CFAP45: variants seen among roughly 807,000 people sequenced by gnomAD.
CFAP45 encodes cilia and flagella associated protein 45.
CFAP45 carries 43 observed loss-of-function variants against 75.6 expected under a neutral mutation model. The ratio of observed to expected loss-of-function variants is 0.57; its 90% CI spans 0.45 to 0.73. The LOEUF is 0.73. CFAP45 is among the 30% of genes least tolerant of loss of function. The pLI is 0.00. For missense variants in CFAP45, 689 were observed against 701.5 expected (o/e 0.98, Z 0.20); for synonymous variants, 223 against 244.6 (o/e 0.91, Z 0.82).
At chr1:159,891,917 C>G (rs1425715981) in intron 2 of CFAP45, among the ~76,000 whole-genome samples, 1 of 152,172 alleles carries the variant, frequency 6.6e-6, no homozygotes, top group Admixed American at 6.5e-5. Context: ...CAGCCAATTC[C>G]AAATCTCTCT....
intron 6 of CFAP45, among the ~76,000 whole-genome samples, chr1:159,885,368 C>A (rs1335978741): frequency 6.6e-6 from 1 of 152,058 alleles, no homozygotes; most frequent in African/African-American, 2.4e-5. Context: ...AGGTACCTAC[C>A]AGAAGTACAG....
rs1649695774 is a variant in CFAP45, at chr1:159,886,657, C to T, written c.621G>A (p.Arg207=). 6.2e-7 allele frequency: 1 copy of T among 1,613,916 alleles called. No homozygotes were observed. Among genetic ancestry groups the T allele is most frequent in the African/African-American group, 1.3e-5 (1 of 74,876 alleles). ...IILNAKCHAI[R]DAQILEKQQI... is the part of the protein sequence containing the mutation. ...GCTGCTTCTCCAGGATTTGGGCATC[C>T]CGGATGGCATGGCACTTAGCATTGA... is the stretch of plus-strand genomic sequence containing the variant. The change falls in exon 6 of 12, where the codon CGG becomes CGA. Residue 207 remains arginine (R), a synonymous_variant. Coordinates refer to ENST00000368099, the MANE Select transcript of CFAP45 (RefSeq NM_012337.3).
intron 2 of CFAP45, among the ~76,000 whole-genome samples, chr1:159,892,022 T>C (rs776230058): frequency 2.0e-5 from 3 of 152,036 alleles, no homozygotes; most frequent in Non-Finnish European, 4.4e-5. Flanking sequence ...TGGGGAGACT[T>C]ACGCCTGTAA....
intron 10 of CFAP45, among the ~76,000 whole-genome samples, chr1:159,874,202 TA>T (rs1396409626): frequency 6.6e-6 from 1 of 152,200 alleles, no homozygotes; most frequent in Non-Finnish European, 1.5e-5. Flanking sequence ...CAACATAATT[TA>T]AAAAATGAAA....
At position 159,878,753 on chromosome 1, in the gene CFAP45, TAAAAAAAAAAAAAA is replaced by T. The variant is rs539116292; in HGVS notation, c.1045-1305_1045-1292del. On this transcript the variant is annotated intron_variant, in intron 8 of 11. Transcript: ENST00000368099. ...CCTAGTGACAGAGCAAGACTACATC[TAAAAAAAAAAAAAA>T]AAAAAAAAAAAAAAACCTTCCTTGC... Among the ~76,000 whole-genome samples, 19 of 32,488 alleles carry T rather than the reference TAAAAAAAAAAAAAA, an allele frequency of 5.8e-4. No individual in the cohort carries two copies. The East Asian group carries it at 0.02, about 34-fold the overall frequency. The allele number at this position is 32,488 out of a possible 152,430, so 21.3% of individuals were successfully genotyped here. A position where few individuals can be genotyped will look rare whatever the true frequency, so the allele number is the denominator to read the frequency against.
chr1:159,887,830 G>A lies in CFAP45; in HGVS notation c.588+11C>T, dbSNP rs377610091. The A allele has an allele frequency of 2.8e-5, 45 of 1,605,510 alleles. 1 individual carries two copies. Among genetic ancestry groups the A allele is most frequent in the South Asian group, 1.3e-4 (12 of 90,396 alleles). Reference sequence around the variant, plus strand: ...GAATGCTCAGAGGGAAGGGAGAGACGAAGAGCCCACCTTGCTCATGTCCTT... The same window carrying A: ...GAATGCTCAGAGGGAAGGGAGAGACAAAGAGCCCACCTTGCTCATGTCCTT... On this transcript the variant is annotated intron_variant, in intron 5 of 11. Coordinates refer to ENST00000368099, the MANE Select transcript of CFAP45 (RefSeq NM_012337.3).
At chr1:159,883,292 A>ATGAG (rs1649593458) in intron 7 of CFAP45, among the ~76,000 whole-genome samples, 1 of 151,798 alleles carries the variant, frequency 6.6e-6, no homozygotes, top group Admixed American at 6.6e-5. Flanking sequence ...GAAGAACTGA[A>ATGAG]TGAATGAATG....
intron 2 of CFAP45, among the ~76,000 whole-genome samples, chr1:159,892,496 A>G (rs1421113435): frequency 6.6e-6 from 1 of 152,138 alleles, no homozygotes; most frequent in Non-Finnish European, 1.5e-5. Flanking sequence ...TGGCAGAGGC[A>G]TTCAGGTCAC....
chr1:159,885,148 G>A (rs1298249649), intron 6 of CFAP45, among the ~76,000 whole-genome samples: 1 of 152,202 alleles, frequency 6.6e-6, no homozygotes, highest in African/African-American at 2.4e-5. Flanking sequence ...TGGAGTGCTC[G>A]AATGGCTTCA....
chr1:159,878,764 A>AAAAAAAAAAC (rs1649473443), intron 8 of CFAP45, among the ~76,000 whole-genome samples: 1 of 135,084 alleles, frequency 7.4e-6, no homozygotes, highest in African/African-American at 2.7e-5. Flanking sequence ...AAAAAAAAAA[A>AAAAAAAAAAC]AAAAAAAAAA....
intron 7 of CFAP45, among the ~76,000 whole-genome samples, chr1:159,881,421 A>T (rs910413395): frequency 6.6e-6 from 1 of 152,208 alleles, no homozygotes; most frequent in Non-Finnish European, 1.5e-5. Context: ...TAAGGTGGCG[A>T]CACACCTCTT....
rs1649745833 is a variant in CFAP45 at position 159,888,436 on chromosome 1, T to A, written c.333A>T (p.Arg111=). ...TCAGGACATGGGATGCCCATTTGAT[T>A]CGCTCAAACTCCTCAGGGCTGATGA... is the stretch of plus-strand genomic sequence containing the variant. ...SLIISPEEFE[R]IKWASHVLTR... is the part of the protein sequence containing the mutation. Residue 111 remains arginine (R), a synonymous_variant, in exon 4 of 12, where the codon CGA becomes CGT. Coordinates refer to ENST00000368099, the MANE Select transcript of CFAP45 (RefSeq NM_012337.3). 6.2e-7 allele frequency: 1 copy of A among 1,606,020 alleles called. No homozygotes were observed. The highest frequency in any genetic ancestry group is 1.3e-5 in the African/African-American group (1 of 74,708).
Position 159,875,610 on chromosome 1 carries a change from T to A in CFAP45, c.1352+946A>T, listed in dbSNP as rs573576287. ...AGCATATGAACCAAGAAAGTGATGC[T>A]ATACTGTTTAATCTCTACTTATCTG... On this transcript the variant is annotated intron_variant, in intron 10 of 11. Transcript: ENST00000368099. Among the ~76,000 whole-genome samples, 7 of 152,380 alleles carry A rather than the reference T, an allele frequency of 4.6e-5. No homozygotes were observed. The East Asian group carries it at 1.3e-3, about 29-fold the overall frequency.
chr1:159,879,321 T>G (rs778300685), intron 8 of CFAP45, among the ~76,000 whole-genome samples: 2 of 152,182 alleles, frequency 1.3e-5, no homozygotes, highest in Non-Finnish European at 1.5e-5. Context: ...AATTAGCTCA[T>G]CATCCCCACC....
chr1:159,890,382 G>T, intron 3 of CFAP45, 98 bp downstream of exon 3: 2 of 1,150,298 alleles, frequency 1.7e-6, no homozygotes, highest in South Asian at 1.4e-5. Flanking sequence ...GGATTGGACT[G>T]ACAGAATGAA....
chr1:159,900,146 GC>G lies in CFAP45; in HGVS notation c.-49del, dbSNP rs752368412. 1.4e-4 allele frequency: 229 copies of G among 1,613,380 alleles called. 1 individual carries two copies. Among genetic ancestry groups the G allele is most frequent in the Non-Finnish European group, 1.8e-4 (216 of 1,179,642 alleles). On this transcript the variant is annotated 5_prime_UTR_variant, in exon 1 of 12. Coordinates refer to ENST00000368099, the MANE Select transcript of CFAP45 (RefSeq NM_012337.3). ...TCCGGACTTCTGCTGCCGCCTCGGC[GC>G]CGCCAAGGCCCTAGTGTTGACGCGT...
chr1:159,876,720 C>A lies in CFAP45; in HGVS notation c.1188G>T (p.Glu396Asp), dbSNP rs1226134271. 1 of 1,614,194 alleles carries A rather than the reference C, an allele frequency of 6.2e-7. No individual in the cohort carries two copies. The highest frequency in any genetic ancestry group is 2.2e-5 in the East Asian group (1 of 44,878). ...TTCTGCGCCACTCTCTGTCTGCAAC[C>A]TCCTGGTTGCGCTTGGCCCGCAAGG... ...QDALRAKRNQ[E>D]VADREWRRKE... The change falls in exon 10 of 12, where the codon GAG becomes GAT. Residue 396 changes from glutamate to aspartate, a missense_variant. By Grantham distance (45) the Glu-to-Asp change is conservative. Transcript: ENST00000368099.
chr1:159,880,790 G>T, intron 7 of CFAP45, 90 bp from the exon 8 acceptor site: 1 of 1,248,100 alleles, frequency 8.0e-7, no homozygotes, highest in Non-Finnish European at 1.1e-6. Context: ...AGACAGAGGA[G>T]GGGGCAAATG....
intron 5 of CFAP45, 93 bp downstream of exon 5, chr1:159,887,748 C>G: frequency 7.5e-7 from 1 of 1,341,592 alleles, no homozygotes; most frequent in Non-Finnish European, 1.0e-6. Context: ...CCCACACCCC[C>G]ACCAGTCCCT....
Sources: allele counts gnomAD v4.1 joint callset (sites outside exome capture counted in the v4.1 genomes callset), GRCh38; gene constraint gnomAD v4.1.1; transcripts MANE v1.5; gene names NCBI Gene and HGNC (gene_info 2026-07-23, HGNC 2026-07-21).